Variants in VWA3B observed in about 807,000 individuals in gnomAD.
The protein encoded by VWA3B is von Willebrand factor A domain containing 3B, also known as von Willebrand factor A domain-containing protein 3B.
A neutral mutation model predicts 158.3 loss-of-function variants in VWA3B; 138 were observed. The observed-to-expected ratio is 0.87, with a 90% CI of 0.76 to 1.00. The LOEUF (loss-of-function observed/expected upper bound fraction) is 1.00. VWA3B is among the 50% of genes least tolerant of loss of function. The pLI, the probability that VWA3B is intolerant of heterozygous loss-of-function variation, is 0.00. For missense variants in VWA3B, 1,555 were observed against 1,565.1 expected (o/e 0.99, Z 0.11); for synonymous variants, 596 against 587.3 (o/e 1.01, Z -0.21).
Position 98,092,373 on chromosome 2 carries a change from A to G in VWA3B, c.-32-688A>G, listed in dbSNP as rs559712185. The stretch of plus-strand genomic sequence containing the variant: ...ATAAAAGTAAATTCCAGCTGGGCGC[A>G]GTGGCTCACGCCTGTAATCCCAACA... On this transcript the variant is annotated intron_variant, in intron 1 of 27. Transcript: ENST00000477737. Among the ~76,000 whole-genome samples, 14 of 152,332 alleles carry G rather than the reference A, an allele frequency of 9.2e-5. No homozygotes were observed. In the South Asian group the frequency reaches 1.2e-3, roughly 14 times the overall value.
chr2:98,277,824 T>G (rs6543459), intron 22 of VWA3B, among the ~76,000 whole-genome samples: 7 of 152,048 alleles, frequency 4.6e-5, no homozygotes, highest in Non-Finnish European at 7.4e-5. Flanking sequence ...ACACTATACA[T>G]GCAGGAAGAT....
chr2:98,189,806 T>A (rs1269845724), intron 10 of VWA3B, among the ~76,000 whole-genome samples: 1 of 152,224 alleles, frequency 6.6e-6, no homozygotes. Context: ...TTTGTAATTA[T>A]GAAATGTCCC....
intron 13 of VWA3B, among the ~76,000 whole-genome samples, chr2:98,214,459 G>A (rs899737606): frequency 2.6e-5 from 4 of 151,764 alleles, no homozygotes; most frequent in Admixed American, 6.5e-5. Context: ...TTCTACCTTC[G>A]TAGAAAAGCA....
intron 19 of VWA3B, among the ~76,000 whole-genome samples, chr2:98,246,260 A>G (rs796892231): frequency 5.9e-5 from 9 of 152,298 alleles, no homozygotes; most frequent in African/African-American, 2.2e-4. Flanking sequence ...TTTAAAAATA[A>G]AGCATTTCAG....
intron 7 of VWA3B, among the ~76,000 whole-genome samples, chr2:98,141,292 A>G (rs1676761175): frequency 6.6e-6 from 1 of 152,208 alleles, no homozygotes. Context: ...ATTTATAAAG[A>G]AAAGAGGTTT....
chr2:98,178,337 G>A (rs1276369385), intron 8 of VWA3B, among the ~76,000 whole-genome samples: 1 of 152,184 alleles, frequency 6.6e-6, no homozygotes, highest in Admixed American at 6.5e-5. Flanking sequence ...TCTTTGAGAA[G>A]TCCCCACTCT....
chr2:98,139,609 T>C (rs4318433), intron 7 of VWA3B, among the ~76,000 whole-genome samples: 96,660 of 151,684 alleles, frequency 0.64, 32,630 homozygotes, highest in African/African-American at 0.86. Flanking sequence ...ATGCACCAAT[T>C]GACACTCTGT....
At chr2:98,269,558 C>T (rs1574244336) in intron 21 of VWA3B, 1 of 152,208 alleles carries the variant, frequency 6.6e-6, no homozygotes, top group South Asian at 2.1e-4. Flanking sequence ...GCATTCCACT[C>T]TCTTCTCCAA....
chr2:98,259,447 T>A (rs62156739), intron 21 of VWA3B, among the ~76,000 whole-genome samples: 5,886 of 151,808 alleles, frequency 0.039, 170 homozygotes, highest in Middle Eastern at 0.075. Flanking sequence ...GGCTGTTGAG[T>A]TTATCTATTT....
chr2:98,222,248 C>G (rs1293345883), intron 14 of VWA3B, among the ~76,000 whole-genome samples: 1 of 152,236 alleles, frequency 6.6e-6, no homozygotes, highest in Non-Finnish European at 1.5e-5. Context: ...CACAGAAAGA[C>G]AGTTGAACTC....
chr2:98,225,541 A>G (rs915435040), intron 14 of VWA3B, among the ~76,000 whole-genome samples: 4 of 152,224 alleles, frequency 2.6e-5, no homozygotes, highest in Non-Finnish European at 4.4e-5. Flanking sequence ...TAGAAGAGTC[A>G]AAGACATCTA....
intron 7 of VWA3B, among the ~76,000 whole-genome samples, chr2:98,160,014 A>G (rs1398561629): frequency 2.0e-5 from 3 of 151,634 alleles, no homozygotes; most frequent in Non-Finnish European, 4.4e-5. Flanking sequence ...CATTAAAAAA[A>G]AAAAAAAAAG....
intron 2 of VWA3B, among the ~76,000 whole-genome samples, chr2:98,107,370 C>T (rs1032971820): frequency 6.6e-6 from 1 of 151,896 alleles, no homozygotes; most frequent in Admixed American, 6.6e-5. Context: ...GGACGTATTC[C>T]TTCCTCTTCC....
At chr2:98,303,573 C>T (rs1690331788) in intron 25 of VWA3B, 129 bp from the exon 26 acceptor site, 2 of 824,984 alleles carry the variant, frequency 2.4e-6, no homozygotes. Flanking sequence ...TTGAACTACT[C>T]TTTTAAGTGT....
In VWA3B at chr2:98,313,095, A is replaced by G. The variant is rs1233869505; in HGVS notation, c.*746A>G. On this transcript the variant is annotated 3_prime_UTR_variant, in exon 28 of 28. Transcript: ENST00000477737. Reference sequence around the variant, plus strand: ...TAGTCGGTAAGATCCCTGAGGCTAGATGAAAATAGAGCACAGGTCATCACT... The same window carrying G: ...TAGTCGGTAAGATCCCTGAGGCTAGGTGAAAATAGAGCACAGGTCATCACT... 1 of 152,230 alleles carries G rather than the reference A, an allele frequency of 6.6e-6. No homozygotes were observed. The highest frequency in any genetic ancestry group is 1.5e-5 in the Non-Finnish European group (1 of 68,048). The allele number at this position is 152,230 out of a possible 1,614,324, so 9.4% of individuals were successfully genotyped here.
At chr2:98,116,236 T>G (rs2104939922) in intron 3 of VWA3B, among the ~76,000 whole-genome samples, 1 of 152,348 alleles carries the variant, frequency 6.6e-6, no homozygotes, top group African/African-American at 2.4e-5. Context: ...CAAAGTCTGT[T>G]GGAGACACAT....
intron 14 of VWA3B, among the ~76,000 whole-genome samples, chr2:98,227,049 A>G (rs1180122290): frequency 6.6e-6 from 1 of 152,232 alleles, no homozygotes; most frequent in African/African-American, 2.4e-5. Flanking sequence ...GGCCAGGGCA[A>G]TCGGGCAAGA....
At chr2:98,216,968 G>A (rs1204829887) in intron 13 of VWA3B, 72 of 1,243,360 alleles carry the variant, frequency 5.8e-5, no homozygotes, top group Non-Finnish European at 7.3e-5. Context: ...ACTGTCATGT[G>A]TATCATTGTA....
At chr2:98,131,026 C>T (rs770027733) in intron 6 of VWA3B, among the ~76,000 whole-genome samples, 1 of 152,164 alleles carries the variant, frequency 6.6e-6, no homozygotes, top group Non-Finnish European at 1.5e-5. Context: ...AGAGCCTACT[C>T]CTTCTATCTC....
Sources: gnomAD v4.1 joint callset for allele counts (sites outside exome capture counted in the v4.1 genomes callset) on GRCh38, gnomAD v4.1.1 for gene constraint, MANE v1.5 for transcripts, NCBI Gene and HGNC (gene_info 2026-07-23, HGNC 2026-07-21) for gene names.